TMEM117: variants seen among roughly 807,000 people sequenced by gnomAD.
TMEM117 encodes transmembrane protein 117.
TMEM117 carries 27 observed loss-of-function variants against 52.4 expected under a neutral mutation model. That is an observed-to-expected ratio of 0.51 (90% CI 0.38 to 0.71). The LOEUF (loss-of-function observed/expected upper bound fraction) is 0.71, where lower values mean the gene tolerates loss of function less well. Ranked by LOEUF, TMEM117 falls within the 30% of genes least tolerant of loss-of-function variation. The pLI is 0.00. For synonymous variants in TMEM117, 215 were observed against 206.3 expected (o/e 1.04, Z -0.36); for missense variants, 556 against 630.5 (o/e 0.88, Z 1.26).
chr12:43,848,496 C>T (rs1592303973), intron 2 of TMEM117, among the ~76,000 whole-genome samples: 1 of 152,168 alleles, frequency 6.6e-6, no homozygotes, highest in Admixed American at 6.6e-5. Flanking sequence ...ACTTGCATGT[C>T]CGTTTATAGG....
intron 3 of TMEM117, among the ~76,000 whole-genome samples, chr12:44,018,059 G>T (rs1946399600): frequency 1.3e-5 from 2 of 152,002 alleles, no homozygotes; most frequent in African/African-American, 4.8e-5. Flanking sequence ...GGTATGTGCT[G>T]GCTGCTCTTG....
intron 5 of TMEM117, among the ~76,000 whole-genome samples, chr12:44,295,677 G>GTTTT (rs139314147): frequency 2.7e-4 from 38 of 140,418 alleles, no homozygotes; most frequent in African/African-American, 9.9e-4. Context: ...CAGGATTTCT[G>GTTTT]TTTTTTTTTT....
At chr12:44,180,398 A>G (rs1769448534) in intron 4 of TMEM117, among the ~76,000 whole-genome samples, 1 of 150,562 alleles carries the variant, frequency 6.6e-6, no homozygotes, top group South Asian at 2.1e-4. Flanking sequence ...ACATGTGCAC[A>G]TTGTGCAGGT....
At chr12:44,181,939 T>C (rs1393323785) in intron 4 of TMEM117, among the ~76,000 whole-genome samples, 1 of 152,136 alleles carries the variant, frequency 6.6e-6, no homozygotes, top group African/African-American at 2.4e-5. Context: ...GTAAATTACC[T>C]TGGGCAGTAT....
upstream of TMEM117, among the ~76,000 whole-genome samples, chr12:43,831,546 ATTT>A (rs11449366): frequency 2.2e-5 from 3 of 137,586 alleles, no homozygotes; most frequent in African/African-American, 2.7e-5. Flanking sequence ...GTTACTTCTG[ATTT>A]TTTTTTTTTT....
chr12:43,969,772 G>A (rs1186369808), intron 3 of TMEM117, among the ~76,000 whole-genome samples: 1 of 152,056 alleles, frequency 6.6e-6, no homozygotes, highest in Non-Finnish European at 1.5e-5. Flanking sequence ...TCCAGTGGAT[G>A]CTTCCCAGTC....
At chr12:44,352,065 C>T (rs895674818) in intron 6 of TMEM117, among the ~76,000 whole-genome samples, 20 of 151,752 alleles carry the variant, frequency 1.3e-4, no homozygotes, top group Non-Finnish European at 2.5e-4. Flanking sequence ...CTTTTCTTGC[C>T]TTTTTCTCTT....
intron 5 of TMEM117, among the ~76,000 whole-genome samples, chr12:44,233,966 T>G (rs1949963240): frequency 6.6e-6 from 1 of 151,462 alleles, no homozygotes; most frequent in African/African-American, 2.4e-5. Flanking sequence ...CAGAATTTAG[T>G]AATCTTGCAT....
At chr12:43,968,133 A>T (rs1945515753) in intron 3 of TMEM117, among the ~76,000 whole-genome samples, 1 of 152,238 alleles carries the variant, frequency 6.6e-6, no homozygotes, top group African/African-American at 2.4e-5. Context: ...ATTATACAGC[A>T]TATATTTGGG....
At chr12:44,231,881 A>T (rs1023970618) in intron 5 of TMEM117, among the ~76,000 whole-genome samples, 1 of 151,464 alleles carries the variant, frequency 6.6e-6, no homozygotes, top group South Asian at 2.1e-4. Flanking sequence ...TGGTCTTTTT[A>T]CTCTTCTTAT....
At chr12:43,839,328 C>G (rs752009640) in intron 1 of TMEM117, among the ~76,000 whole-genome samples, 1 of 152,144 alleles carries the variant, frequency 6.6e-6, no homozygotes, top group Non-Finnish European at 1.5e-5. Flanking sequence ...AGCCCACATA[C>G]GAGGGCTTCA....
intron 3 of TMEM117, among the ~76,000 whole-genome samples, chr12:44,011,983 C>T (rs1016873591): frequency 4.6e-5 from 7 of 152,172 alleles, no homozygotes; most frequent in Non-Finnish European, 8.8e-5. Flanking sequence ...TAGAATGGTG[C>T]ATAGTTTAAA....
At chr12:43,949,027 C>T (rs192933512) in intron 3 of TMEM117, among the ~76,000 whole-genome samples, 49 of 152,190 alleles carry the variant, frequency 3.2e-4, no homozygotes, top group African/African-American at 1.1e-3. Context: ...CAGATGATCC[C>T]GCAATGGGCT....
At chr12:44,086,137 G>T (rs1460089054) in intron 3 of TMEM117, among the ~76,000 whole-genome samples, 2 of 151,700 alleles carry the variant, frequency 1.3e-5, no homozygotes, top group Admixed American at 6.6e-5. Flanking sequence ...GCTAGACTTT[G>T]CCAGAGCTTT....
At chr12:44,149,448 T>A (rs1030102145) in intron 4 of TMEM117, among the ~76,000 whole-genome samples, 3 of 152,206 alleles carry the variant, frequency 2.0e-5, no homozygotes, top group Non-Finnish European at 4.4e-5. Context: ...CATAAAGTAT[T>A]CCTTCTAGCT....
At chr12:44,064,464 G>T (rs769140878) in intron 3 of TMEM117, among the ~76,000 whole-genome samples, 16 of 152,146 alleles carry the variant, frequency 1.1e-4, no homozygotes, top group Non-Finnish European at 2.4e-4. Flanking sequence ...TGGTGCTAAA[G>T]TTATTCAGAT....
chr12:44,221,853 C>T (rs1949792936), intron 5 of TMEM117, among the ~76,000 whole-genome samples: 1 of 152,058 alleles, frequency 6.6e-6, no homozygotes, highest in Admixed American at 6.5e-5. Context: ...CATGTGCCAC[C>T]ACGCCCAGCT....
At chr12:43,884,135 A>G (rs915494575) in intron 2 of TMEM117, among the ~76,000 whole-genome samples, 1 of 147,042 alleles carries the variant, frequency 6.8e-6, no homozygotes, top group Non-Finnish European at 1.5e-5. Context: ...TACCATCTCA[A>G]AAAAAAAAAA....
At chr12:43,823,569 G>A in the TMEM117 span, among the ~76,000 whole-genome samples, 55 of 151,960 alleles carry the variant, frequency 3.6e-4, no homozygotes, top group Non-Finnish European at 2.2e-4. Flanking sequence ...GAGCACAGTG[G>A]CGTGATCTTG....
Sources: gnomAD v4.1 joint callset for allele counts (sites outside exome capture counted in the v4.1 genomes callset) on GRCh38, gnomAD v4.1.1 for gene constraint, MANE v1.5 for transcripts, NCBI Gene and HGNC (gene_info 2026-07-23, HGNC 2026-07-21) for gene names.